The following FAM174A variants were observed in gnomAD, a reference collection of about 807,000 sequenced individuals.
FAM174A encodes the protein family with sequence similarity 174 member A.
In FAM174A, 14 loss-of-function variants were observed where a neutral mutation model predicts 14.3. The ratio of observed to expected loss-of-function variants is 0.98; its 90% CI spans 0.65 to 1.53. The LOEUF (loss-of-function observed/expected upper bound fraction) is 1.53. Ranked by LOEUF, FAM174A falls within the 40% of genes most tolerant of loss-of-function variation. The pLI, the probability that FAM174A is intolerant of heterozygous loss-of-function variation, is 0.00. For synonymous variants in FAM174A, 108 were observed against 111.4 expected (o/e 0.97, Z 0.19); for missense variants, 241 against 249.6 (o/e 0.97, Z 0.23).
chr5:100,574,017 T>C (rs1386544045), intron 2 of FAM174A, among the ~76,000 whole-genome samples: 1 of 152,116 alleles, frequency 6.6e-6, no homozygotes, highest in African/African-American at 2.4e-5. Context: ...GAACCTGTTT[T>C]AAACTCTCTG....
intron 1 of FAM174A, among the ~76,000 whole-genome samples, chr5:100,557,628 C>G (rs1334350526): frequency 3.3e-5 from 5 of 152,110 alleles, no homozygotes; most frequent in Non-Finnish European, 5.9e-5. Context: ...TGTTATTGGT[C>G]TATTCAGAGA....
intron 2 of FAM174A, among the ~76,000 whole-genome samples, chr5:100,570,719 CCCGG>C (rs1746760898): frequency 6.6e-6 from 1 of 151,842 alleles, no homozygotes; most frequent in Non-Finnish European, 1.5e-5. Flanking sequence ...AGTTGGATAT[CCCGG>C]ATTATATGCA....
At chr5:100,567,008 G>A (rs1050843686) in intron 2 of FAM174A, among the ~76,000 whole-genome samples, 3 of 151,826 alleles carry the variant, frequency 2.0e-5, no homozygotes, top group African/African-American at 4.8e-5. Flanking sequence ...CAGCAGGAAA[G>A]GCAGAGAGGA....
At chr5:100,544,012 A>G (rs1746117540) in intron 1 of FAM174A, among the ~76,000 whole-genome samples, 1 of 152,068 alleles carries the variant, frequency 6.6e-6, no homozygotes, top group African/African-American at 2.4e-5. Context: ...TTTATACCTT[A>G]TTTAGAAAAT....
intron 2 of FAM174A, among the ~76,000 whole-genome samples, chr5:100,575,346 C>G (rs547106768): frequency 6.6e-6 from 1 of 152,114 alleles, no homozygotes; most frequent in African/African-American, 2.4e-5. Flanking sequence ...TGGTGTGCTG[C>G]ACCCATTAAC....
In FAM174A at chr5:100,562,200, A is replaced by G. The variant is rs1042684095; in HGVS notation, c.569+12A>G. 1 of 1,564,634 alleles carries G rather than the reference A, an allele frequency of 6.4e-7. No individual in the cohort carries two copies. Among genetic ancestry groups the G allele is most frequent in the Non-Finnish European group, 8.6e-7 (1 of 1,160,392 alleles). ...AATCATCCTCGAAGGTAAGTATTCC[A>G]GTAGTTTAATTCCATGAATCAGGAA... is the stretch of plus-strand genomic sequence containing the variant. On this transcript the variant is annotated intron_variant, in intron 2 of 2. Coordinates refer to ENST00000312637, the MANE Select transcript of FAM174A (RefSeq NM_198507.3).
At chr5:100,540,007 C>T (rs1378695843) in intron 1 of FAM174A, among the ~76,000 whole-genome samples, 1 of 152,014 alleles carries the variant, frequency 6.6e-6, no homozygotes, top group Non-Finnish European at 1.5e-5. Flanking sequence ...AAAGATTTTC[C>T]TGATTTACTA....
chr5:100,562,193 G>A lies in FAM174A; in HGVS notation c.569+5G>A, dbSNP rs780390743. On this transcript the variant is annotated splice_donor_5th_base_variant and intron_variant, in intron 2 of 2. Coordinates refer to ENST00000312637, the MANE Select transcript of FAM174A (RefSeq NM_198507.3). ...TGATGCCAATCATCCTCGAAGGTAA[G>A]TATTCCAGTAGTTTAATTCCATGAA... The A allele has an allele frequency of 4.5e-6, 7 of 1,569,122 alleles. No individual in the cohort carries two copies. The highest frequency in any genetic ancestry group is 5.2e-6 in the Non-Finnish European group (6 of 1,161,976).
At chr5:100,558,234 G>A (rs1264026683) in intron 1 of FAM174A, among the ~76,000 whole-genome samples, 1 of 152,186 alleles carries the variant, frequency 6.6e-6, no homozygotes, top group Non-Finnish European at 1.5e-5. Context: ...CAGTTTCCAT[G>A]TAGTTGAGTG....
At chr5:100,547,015 A>G (rs1746176484) in intron 1 of FAM174A, among the ~76,000 whole-genome samples, 1 of 152,026 alleles carries the variant, frequency 6.6e-6, no homozygotes, top group African/African-American at 2.4e-5. Context: ...GTGCATATAT[A>G]TGTGCATATT....
Position 100,556,364 on chromosome 5 carries a change from G to T in FAM174A, c.435-5690G>T, listed in dbSNP as rs1359496486. On this transcript the variant is annotated intron_variant, in intron 1 of 2. Coordinates refer to ENST00000312637, the MANE Select transcript of FAM174A (RefSeq NM_198507.3). ...CTGTAGCCTTGTAGTATAGTTTGAA[G>T]TCAGGTAGCATGATGCCTCCAGCTT... 2.6e-5 allele frequency among the ~76,000 whole-genome samples: 4 copies of T among 152,318 alleles called. No individual in the cohort carries two copies. In the East Asian group the frequency reaches 7.7e-4, roughly 29 times the overall value.
At chr5:100,549,607 A>ATT (rs202143815) in intron 1 of FAM174A, among the ~76,000 whole-genome samples, 4 of 138,726 alleles carry the variant, frequency 2.9e-5, no homozygotes, top group Middle Eastern at 3.5e-3. Context: ...CACGCTTTTG[A>ATT]TTTTTTTTTT....
intron 2 of FAM174A, among the ~76,000 whole-genome samples, chr5:100,574,901 G>A (rs1394805012): frequency 1.3e-5 from 2 of 152,138 alleles, no homozygotes; most frequent in East Asian, 1.9e-4. Context: ...ACTGCAGGAC[G>A]TATTAGAGAC....
chr5:100,542,844 A>G (rs1010743105), intron 1 of FAM174A, among the ~76,000 whole-genome samples: 8 of 149,196 alleles, frequency 5.4e-5, no homozygotes, highest in African/African-American at 7.7e-5. Flanking sequence ...TTATATATAT[A>G]TATGTGTGTG....
chr5:100,573,204 C>T (rs1746828991), intron 2 of FAM174A, among the ~76,000 whole-genome samples: 1 of 151,830 alleles, frequency 6.6e-6, no homozygotes. Context: ...TTGTAGGTTG[C>T]CTGTTCACTC....
At chr5:100,551,915 G>T (rs1746270872) in intron 1 of FAM174A, among the ~76,000 whole-genome samples, 2 of 152,092 alleles carry the variant, frequency 1.3e-5, no homozygotes, top group Admixed American at 1.3e-4. Context: ...ATTTTAACTT[G>T]ATTACCTCTA....
chr5:100,562,476 G>A (rs1746548967), intron 2 of FAM174A, among the ~76,000 whole-genome samples: 1 of 151,552 alleles, frequency 6.6e-6, no homozygotes, highest in Non-Finnish European at 1.5e-5. Flanking sequence ...CGTTACATAG[G>A]TAAACTTGTG....
At chr5:100,554,310 C>CTTT (rs34241194) in intron 1 of FAM174A, among the ~76,000 whole-genome samples, 124 of 93,904 alleles carry the variant, frequency 1.3e-3, no homozygotes, top group African/African-American at 1.7e-3. Context: ...ATTTTTCTAT[C>CTTT]TTTTTTTTTT....
At chr5:100,578,715 T>C (rs1414194343) in intron 2 of FAM174A, among the ~76,000 whole-genome samples, 1 of 152,224 alleles carries the variant, frequency 6.6e-6, no homozygotes, top group African/African-American at 2.4e-5. Flanking sequence ...TTCCTCACAG[T>C]TAATAAAAAC....
Sources: gnomAD v4.1 joint callset for allele counts (sites outside exome capture counted in the v4.1 genomes callset) on GRCh38, gnomAD v4.1.1 for gene constraint, MANE v1.5 for transcripts, NCBI Gene and HGNC (gene_info 2026-07-23, HGNC 2026-07-21) for gene names.